Variants in COPG2 observed in about 807,000 individuals in gnomAD.
The protein encoded by COPG2 is coatomer subunit gamma-2.
In COPG2, 37 loss-of-function variants were observed where a neutral mutation model predicts 46.3. The observed-to-expected ratio is 0.80, with a 90% CI of 0.61 to 1.05. The LOEUF is 1.05. Ranked by LOEUF, COPG2 falls within the 50% of genes least tolerant of loss-of-function variation. The pLI is 0.00. For synonymous variants in COPG2, 159 were observed against 129.7 expected, an observed-to-expected ratio of 1.23 and a Z score of -1.53; for missense variants, 427 against 387.8, an observed-to-expected ratio of 1.10 and a Z score of -0.85.
Position 130,558,608 on chromosome 7 carries a change from C to A in COPG2, c.1128+2425G>T, listed in dbSNP as rs895705961. 2.0e-3 allele frequency among the ~76,000 whole-genome samples: 305 copies of A among 152,276 alleles called. 1 individual carries two copies. The highest frequency in any genetic ancestry group is 2.8e-3 in the Non-Finnish European group (189 of 68,012). On this transcript the variant is annotated intron_variant, in intron 12 of 23. Coordinates refer to ENST00000425248, the MANE Select transcript of COPG2 (RefSeq NM_012133.6). ...TGATCACAGCTCACTGCAGCCCCAA[C>A]CTCCCAGGCTCAAGTGATCCTCCCA...
chr7:130,630,960 T>G (rs557145248), intron 5 of COPG2, among the ~76,000 whole-genome samples: 1 of 152,120 alleles, frequency 6.6e-6, no homozygotes, highest in Non-Finnish European at 1.5e-5. Context: ...AGCCCAGGGG[T>G]TTAAAGATGC....
intron 5 of COPG2, among the ~76,000 whole-genome samples, chr7:130,632,069 T>C (rs530645323): frequency 8.5e-5 from 13 of 152,220 alleles, no homozygotes; most frequent in Non-Finnish European, 1.5e-4. Flanking sequence ...TATGTTGTTT[T>C]GGTGGGATCA....
chr7:130,605,710 A>G (rs1794715576), intron 9 of COPG2: 1 of 519,134 alleles, frequency 1.9e-6, no homozygotes, highest in Non-Finnish European at 3.9e-6. Context: ...AATTTGGCCA[A>G]CGACTTAAAT....
intron 5 of COPG2, among the ~76,000 whole-genome samples, chr7:130,639,150 T>G (rs934560616): frequency 4.6e-5 from 7 of 152,308 alleles, no homozygotes; most frequent in South Asian, 2.1e-4. Flanking sequence ...CGCTGGGAGC[T>G]GGAGACCAGA....
intron 20 of COPG2, among the ~76,000 whole-genome samples, chr7:130,511,270 GAA>G (rs1197013352): frequency 6.6e-6 from 1 of 152,156 alleles, no homozygotes; most frequent in Non-Finnish European, 1.5e-5. Flanking sequence ...AATAATTAAA[GAA>G]AAGGGTATGT....
intron 9 of COPG2, among the ~76,000 whole-genome samples, chr7:130,604,520 G>A (rs1233079759): frequency 1.3e-5 from 2 of 151,912 alleles, no homozygotes; most frequent in African/African-American, 2.4e-5. Flanking sequence ...AAATGACTTC[G>A]GATATTGACC....
chr7:130,562,775 A>T (rs1261495996), intron 11 of COPG2, among the ~76,000 whole-genome samples: 2 of 152,190 alleles, frequency 1.3e-5, no homozygotes, highest in Non-Finnish European at 2.9e-5. Flanking sequence ...TACCTTAAAA[A>T]TTTTAATGTG....
intron 9 of COPG2, among the ~76,000 whole-genome samples, chr7:130,592,645 C>T (rs1465412560): frequency 1.3e-5 from 2 of 152,040 alleles, no homozygotes; most frequent in Admixed American, 1.3e-4. Context: ...AGCAAACACG[C>T]CAGACTTTTC....
At chr7:130,641,848 G>A (rs1277449455) in intron 5 of COPG2, among the ~76,000 whole-genome samples, 9 of 151,982 alleles carry the variant, frequency 5.9e-5, no homozygotes, top group Admixed American at 4.6e-4. Flanking sequence ...CCCCCTACCC[G>A]AATCCACACA....
chr7:130,662,520 G>C lies in COPG2; in HGVS notation c.243+447C>G, dbSNP rs1193072115. On this transcript the variant is annotated intron_variant, in intron 4 of 23. Transcript: ENST00000425248. ...AGGTCAGGGTGGCCTAAGGTAATGAGAGGCAGGTTTAGTTTGTACTCATTT... is the reference window on the plus strand; with the variant it reads ...AGGTCAGGGTGGCCTAAGGTAATGACAGGCAGGTTTAGTTTGTACTCATTT... Among the ~76,000 whole-genome samples the C allele has an allele frequency of 3.9e-5, 6 of 152,154 alleles. No individual in the cohort carries two copies. In the East Asian group the frequency reaches 1.2e-3, roughly 29 times the overall value.
intron 20 of COPG2, among the ~76,000 whole-genome samples, chr7:130,539,724 A>G (rs1020139511): frequency 5.9e-5 from 9 of 152,156 alleles, no homozygotes; most frequent in Non-Finnish European, 8.8e-5. Flanking sequence ...TCACCTACAG[A>G]AGACAGACAG....
intron 20 of COPG2, among the ~76,000 whole-genome samples, chr7:130,522,334 T>C (rs1799730756): frequency 6.6e-6 from 1 of 152,100 alleles, no homozygotes; most frequent in Non-Finnish European, 1.5e-5. Context: ...GTAAAAAGAA[T>C]GCATGATGGG....
intron 9 of COPG2, among the ~76,000 whole-genome samples, chr7:130,601,614 A>G (rs1167811500): frequency 1.3e-5 from 2 of 152,144 alleles, no homozygotes; most frequent in African/African-American, 4.8e-5. Flanking sequence ...GAGTTGAACA[A>G]TGAGAACCCA....
chr7:130,650,762 C>A (rs1795721290), intron 5 of COPG2, among the ~76,000 whole-genome samples: 1 of 152,174 alleles, frequency 6.6e-6, no homozygotes, highest in African/African-American at 2.4e-5. Flanking sequence ...ATGAAAGAGG[C>A]AGATGGTGTG....
Position 130,611,118 on chromosome 7 carries a change from A to C in COPG2, c.580-8T>G. The C allele has an allele frequency of 6.2e-7, 1 of 1,605,776 alleles. No individual in the cohort carries two copies. The highest frequency in any genetic ancestry group is 8.5e-7 in the Non-Finnish European group (1 of 1,175,360). Reference sequence around the variant, plus strand: ...GACTCCCAATGCATGGTACTAAAGAACATGAAAAAGAAGGTAGCACATGGA... The same window carrying C: ...GACTCCCAATGCATGGTACTAAAGACCATGAAAAAGAAGGTAGCACATGGA... On this transcript the variant is annotated splice_polypyrimidine_tract_variant and splice_region_variant and intron_variant, in intron 8 of 23. Coordinates refer to ENST00000425248, the MANE Select transcript of COPG2 (RefSeq NM_012133.6).
At chr7:130,609,285 G>C (rs1794794581) in intron 9 of COPG2, among the ~76,000 whole-genome samples, 1 of 152,176 alleles carries the variant, frequency 6.6e-6, no homozygotes, top group African/African-American at 2.4e-5. Context: ...GACCAAGTGG[G>C]AGGTAATTGA....
intron 4 of COPG2, among the ~76,000 whole-genome samples, chr7:130,656,606 C>T (rs1459832176): frequency 6.6e-6 from 1 of 152,054 alleles, no homozygotes; most frequent in Non-Finnish European, 1.5e-5. Context: ...CAATAGTGAA[C>T]TCTAACAAAC....
chr7:130,610,815 T>G (rs782334523), intron 9 of COPG2, 138 bp downstream of exon 9: 2 of 848,736 alleles, frequency 2.4e-6, no homozygotes, highest in Admixed American at 2.0e-5. Flanking sequence ...ATTCCATAAT[T>G]TTTTTAAAAA....
At chr7:130,637,075 TTTCTGCAGAGAGA>T (rs1795352818) in intron 5 of COPG2, among the ~76,000 whole-genome samples, 1 of 152,138 alleles carries the variant, frequency 6.6e-6, no homozygotes, top group Non-Finnish European at 1.5e-5. Context: ...GCTTGTAGGG[TTTCTGCAGAGAGA>T]TCCACTGTTA....
Sources: gnomAD v4.1 joint callset for allele counts (sites outside exome capture counted in the v4.1 genomes callset) on GRCh38, gnomAD v4.1.1 for gene constraint, MANE v1.5 for transcripts, NCBI Gene and HGNC (gene_info 2026-07-23, HGNC 2026-07-21) for gene names.